The following TTC14 variants were observed in gnomAD, a reference collection of about 807,000 sequenced individuals.
The protein encoded by TTC14 is tetratricopeptide repeat protein 14.
Under a neutral mutation model 79.9 loss-of-function variants are expected in TTC14, and 63 were observed. The observed-to-expected ratio is 0.79, with a 90% CI of 0.64 to 0.97. The LOEUF is 0.97. Ranked by LOEUF, TTC14 falls within the 50% of genes least tolerant of loss-of-function variation. The pLI, the probability that TTC14 is intolerant of heterozygous loss-of-function variation, is 0.00. For missense variants in TTC14, 895 were observed against 894.0 expected (o/e 1.00, Z -0.01); for synonymous variants, 335 against 309.6 (o/e 1.08, Z -0.86).
chr3:180,613,876 C>G (rs1407944375), downstream of TTC14: 2 of 453,318 alleles, frequency 4.4e-6, no homozygotes, highest in Non-Finnish European at 8.9e-6. Flanking sequence ...TAAAACAAAA[C>G]AAAAAATAAT....
downstream of TTC14, chr3:180,615,034 T>C: frequency 6.4e-7 from 1 of 1,555,632 alleles, no homozygotes; most frequent in Non-Finnish European, 8.7e-7. Flanking sequence ...TCCAGTACTT[T>C]AATTGAAGAC....
intron 12 of TTC14, chr3:180,617,310 T>C (rs774676695): frequency 1.1e-4 from 53 of 489,446 alleles, no homozygotes; most frequent in Non-Finnish European, 1.7e-4. Context: ...TGCATAATAC[T>C]TGATAGTGAT....
At chr3:180,603,409 C>A in intron 3 of TTC14, 86 bp downstream of exon 3, 1 of 1,132,166 alleles carries the variant, frequency 8.8e-7, no homozygotes, top group Non-Finnish European at 1.3e-6. Context: ...CAGTTGTGCT[C>A]AAGTATACCT....
chr3:180,602,566 T>A (rs1006156770), intron 1 of TTC14, 144 bp downstream of exon 1: 9 of 1,163,964 alleles, frequency 7.7e-6, no homozygotes, highest in African/African-American at 3.1e-5. Flanking sequence ...TTGGGCTGGG[T>A]GGACGGGGGG....
intron 11 of TTC14, 181 bp from the exon 12 acceptor site, chr3:180,609,449 A>AT (rs1050250261): frequency 2.1e-5 from 27 of 1,294,946 alleles, no homozygotes; most frequent in South Asian, 5.3e-5. Flanking sequence ...GTCTGCAAGC[A>AT]TTTTTTCCCC....
rs779777780 is a variant in TTC14, at chr3:180,610,217, C to T, written c.1988C>T (p.Pro663Leu). Residue 663 changes from proline (P) to leucine (L), a missense_variant, in exon 12 of 12, where the codon CCA becomes CTA. By Grantham distance (98) the Pro-to-Leu change is moderately conservative. Coordinates refer to ENST00000296015, the MANE Select transcript of TTC14 (RefSeq NM_133462.4). The part of the protein sequence containing the change: ...GRKEHYRRWE[P>L]GSVRHSTSPA... ...AAAGAGCACTATAGAAGGTGGGAAC[C>T]AGGTTCTGTGAGGCATTCTACCTCA... The T allele has an allele frequency of 6.2e-7, 1 of 1,613,894 alleles. No individual in the cohort carries two copies. Among genetic ancestry groups the T allele is most frequent in the Non-Finnish European group, 8.5e-7 (1 of 1,179,918 alleles).
chr3:180,611,909 G>A (rs942116878), downstream of TTC14, among the ~76,000 whole-genome samples: 12 of 152,266 alleles, frequency 7.9e-5, no homozygotes, highest in African/African-American at 2.9e-4. Flanking sequence ...CTTAAGTACT[G>A]GGTGTGTATT....
chr3:180,609,705 A>T lies in TTC14; in HGVS notation c.1476A>T (p.Ser492=). The T allele has an allele frequency of 6.2e-7, 1 of 1,611,732 alleles. No individual in the cohort carries two copies. The highest frequency in any genetic ancestry group is 8.5e-7 in the Non-Finnish European group (1 of 1,179,402). ...CTGATGAATCAGTGTCTTCATCATCATCCTCTTCCTCTTCTGGTCACAAAA... is the reference window on the plus strand; with the variant it reads ...CTGATGAATCAGTGTCTTCATCATCTTCCTCTTCCTCTTCTGGTCACAAAA... ...SSADESVSSS[S]SSSSSGHKRH... The change falls in exon 12 of 12, where the codon TCA becomes TCT. Residue 492 remains serine (S), a synonymous_variant. Transcript: ENST00000296015.
At chr3:180,606,651 C>T (rs377016633) in intron 9 of TTC14, 48 bp downstream of exon 9, 23 of 1,552,016 alleles carry the variant, frequency 1.5e-5, no homozygotes, top group Non-Finnish European at 1.7e-5. Flanking sequence ...GTTCAACCAA[C>T]CACTAAAAAA....
Position 180,607,645 on chromosome 3 carries a change from T to G in TTC14, c.1173-3T>G. Reference sequence around the variant, plus strand: ...AAAAGCTAAATCTTTCTTTCAAATTTAGGTTAGAAGAAGAAGAAAAGTTTT... The same window carrying G: ...AAAAGCTAAATCTTTCTTTCAAATTGAGGTTAGAAGAAGAAGAAAAGTTTT... On this transcript the variant is annotated splice_region_variant and splice_polypyrimidine_tract_variant and intron_variant, in intron 9 of 11. Transcript: ENST00000296015. The G allele has an allele frequency of 6.3e-7, 1 of 1,594,992 alleles. No homozygotes were observed. The highest frequency in any genetic ancestry group is 1.1e-5 in the South Asian group (1 of 87,204).
chr3:180,605,183 A>T, intron 6 of TTC14, 176 bp downstream of exon 6: 1 of 528,324 alleles, frequency 1.9e-6, no homozygotes, highest in Non-Finnish European at 3.2e-6. Context: ...ATCAGTGATT[A>T]ATATGTGTAC....
chr3:180,602,817 C>G, intron 1 of TTC14, 74 bp from the exon 2 acceptor site: 1 of 1,495,026 alleles, frequency 6.7e-7, no homozygotes, highest in Non-Finnish European at 9.0e-7. Context: ...GCGATGAAAG[C>G]CATAAGCAGA....
downstream of TTC14, chr3:180,614,100 T>C (rs1369850543): frequency 5.1e-6 from 1 of 195,654 alleles, no homozygotes; most frequent in African/African-American, 2.4e-5. Context: ...TATAATGAAG[T>C]GTTAACTGGA....
chr3:180,608,516 G>A (rs1467789312), intron 10 of TTC14, 185 bp from the exon 11 acceptor site: 1 of 1,184,612 alleles, frequency 8.4e-7, no homozygotes, highest in Non-Finnish European at 1.1e-6. Context: ...CCATTTCAAT[G>A]ACTAATGCCA....
downstream of TTC14, among the ~76,000 whole-genome samples, chr3:180,617,986 T>G (rs1717311295): frequency 6.6e-6 from 1 of 152,158 alleles, no homozygotes; most frequent in South Asian, 2.1e-4. Flanking sequence ...TACCATTTTT[T>G]TAATCCATTA....
exon 13 of TTC14, chr3:180,617,680 G>A (rs1717300158): frequency 2.5e-6 from 1 of 394,200 alleles, no homozygotes; most frequent in Non-Finnish European, 4.5e-6. Flanking sequence ...ATATTTTTGT[G>A]CAGTTGAACA....
chr3:180,613,663 G>A (rs1014506375), downstream of TTC14, among the ~76,000 whole-genome samples: 7 of 152,194 alleles, frequency 4.6e-5, no homozygotes, highest in African/African-American at 1.2e-4. Flanking sequence ...ATAGAAGAGT[G>A]TTTAATATTA....
At chr3:180,602,771 G>T (rs1429088323) in intron 1 of TTC14, 120 bp from the exon 2 acceptor site, 3 of 1,215,550 alleles carry the variant, frequency 2.5e-6, no homozygotes, top group East Asian at 2.5e-5. Context: ...TTTGTCTGAG[G>T]TTGTATTGTC....
At chr3:180,614,898 T>A (rs1338524142), downstream of TTC14, 1 of 1,538,548 alleles carries the variant, frequency 6.5e-7, no homozygotes, top group East Asian at 2.4e-5. Context: ...TGTTTACAAC[T>A]TTTTCAGAAG....
Sources: allele counts gnomAD v4.1 joint callset (sites outside exome capture counted in the v4.1 genomes callset), GRCh38; gene constraint gnomAD v4.1.1; transcripts MANE v1.5; gene names NCBI Gene and HGNC (gene_info 2026-07-23, HGNC 2026-07-21).